RORA: variants seen among roughly 807,000 people sequenced by gnomAD.
RORA encodes nuclear receptor ROR-alpha.
Under a neutral mutation model 69.5 loss-of-function variants are expected in RORA, and 7 were observed. That is an observed-to-expected ratio of 0.10 (90% CI 0.06 to 0.19). RORA has a LOEUF of 0.19. RORA is among the 10% of genes least tolerant of loss of function. RORA has a pLI of 1.00. For missense variants in RORA, 457 were observed against 663.0 expected (o/e 0.69, Z 3.41); for synonymous variants, 261 against 240.8 (o/e 1.08, Z -0.78).
intron 1 of RORA, among the ~76,000 whole-genome samples, chr15:60,745,192 C>T (rs1007927516): frequency 3.3e-5 from 5 of 152,152 alleles, no homozygotes; most frequent in Admixed American, 6.5e-5. Flanking sequence ...GTGAAGACCT[C>T]GCACACTCTA....
At chr15:60,542,218 T>C (rs894757261) in intron 2 of RORA, among the ~76,000 whole-genome samples, 3 of 152,178 alleles carry the variant, frequency 2.0e-5, no homozygotes, top group Admixed American at 1.3e-4. Context: ...CTCTGATTGC[T>C]AACAGCTGCT....
intron 1 of RORA, among the ~76,000 whole-genome samples, chr15:61,096,344 T>C (rs547644138): frequency 3.2e-4 from 48 of 152,256 alleles, no homozygotes; most frequent in Non-Finnish European, 6.5e-4. Context: ...GCAAATCCAA[T>C]GACATTTTGT....
At chr15:60,684,349 C>T (rs2070705683) in intron 1 of RORA, among the ~76,000 whole-genome samples, 1 of 152,202 alleles carries the variant, frequency 6.6e-6, no homozygotes, top group African/African-American at 2.4e-5. Context: ...GTCATGGTGG[C>T]TCACGCCTGT....
intron 1 of RORA, among the ~76,000 whole-genome samples, chr15:60,950,934 C>T (rs1243920306): frequency 1.4e-4 from 21 of 149,032 alleles, no homozygotes; most frequent in Admixed American, 4.0e-4. Flanking sequence ...CTGCACCAAG[C>T]GGACGTAATA....
intron 1 of RORA, among the ~76,000 whole-genome samples, chr15:60,992,342 A>G (rs1028678670): frequency 2.0e-5 from 3 of 152,198 alleles, no homozygotes; most frequent in Non-Finnish European, 4.4e-5. Flanking sequence ...TTTAAGAAAC[A>G]CTGGCACTTA....
chr15:60,661,349 T>C (rs1239415188), intron 2 of RORA, among the ~76,000 whole-genome samples: 2 of 152,158 alleles, frequency 1.3e-5, no homozygotes, highest in Admixed American at 1.3e-4. Flanking sequence ...AAGAGTGAGT[T>C]ACAGGACACT....
intron 2 of RORA, among the ~76,000 whole-genome samples, chr15:60,675,662 C>T (rs2070541715): frequency 6.6e-6 from 1 of 152,142 alleles, no homozygotes; most frequent in Non-Finnish European, 1.5e-5. Context: ...TCAAATTTCC[C>T]TTCATGGGAA....
In RORA at chr15:60,543,170, CTTTTTTTTTTTTTTT is replaced by C. The variant is rs200401959; in HGVS notation, c.197-11334_197-11320del. On this transcript the variant is annotated intron_variant, in intron 2 of 10. Transcript: ENST00000335670. ...TAGGAATTAAGGATGAAAGTGAAAA[CTTTTTTTTTTTTTTT>C]TTTTTTTTTTTTTTTTTTTTTTTTT... Among the ~76,000 whole-genome samples the C allele has an allele frequency of 5.3e-3, 661 of 125,256 alleles. 7 individuals are homozygous for C. The highest frequency in any genetic ancestry group is 0.016 in the African/African-American group (395 of 24,846). 82.2% of individuals were successfully genotyped at this position (125,256 alleles called of 152,430 possible). A position where few individuals can be genotyped will look rare whatever the true frequency, so the allele number is the denominator to read the frequency against.
chr15:61,104,999 C>CCT (rs1555411272), intron 1 of RORA, among the ~76,000 whole-genome samples: 9 of 142,522 alleles, frequency 6.3e-5, no homozygotes, highest in African/African-American at 2.3e-4. Context: ...TGAGGCGCCC[C>CCT]CCCCACCGCC....
rs1595855083 is a variant in RORA at position 60,494,014 on chromosome 15, A to T, written c.*3441T>A. ...TCCTTCCTCACCTGACCCTCAGCCCACCCCCATACGCTCACAGATAACTGG... is the reference window on the plus strand; with the variant it reads ...TCCTTCCTCACCTGACCCTCAGCCCTCCCCCATACGCTCACAGATAACTGG... On this transcript the variant is annotated 3_prime_UTR_variant, in exon 11 of 11. Transcript: ENST00000335670. The T allele has an allele frequency of 6.7e-6, 1 of 148,850 alleles. No individual in the cohort carries two copies. The highest frequency in any genetic ancestry group is 2.5e-5 in the African/African-American group (1 of 39,730). 9.2% of individuals were successfully genotyped at this position (148,850 alleles called of 1,614,324 possible). A position where few individuals can be genotyped will look rare whatever the true frequency, so the allele number is the denominator to read the frequency against.
At chr15:60,809,449 C>T (rs1473737194) in intron 1 of RORA, among the ~76,000 whole-genome samples, 2 of 152,214 alleles carry the variant, frequency 1.3e-5, no homozygotes, top group African/African-American at 4.8e-5. Context: ...TATTTCTTAT[C>T]GCCAAGGGCA....
intron 2 of RORA, among the ~76,000 whole-genome samples, chr15:60,566,853 G>T (rs1173973909): frequency 6.6e-6 from 1 of 152,152 alleles, no homozygotes; most frequent in Non-Finnish European, 1.5e-5. Context: ...GGGTAGAGTG[G>T]AGCAAATGGC....
chr15:61,166,075 G>T (rs1274244982), intron 1 of RORA, among the ~76,000 whole-genome samples: 2 of 152,202 alleles, frequency 1.3e-5, no homozygotes, highest in Non-Finnish European at 2.9e-5. Flanking sequence ...TCTTCTGAGT[G>T]GGGGGCATCA....
Position 60,722,152 on chromosome 15 carries a change from A to G in RORA, c.167-43466T>C, listed in dbSNP as rs144652299. ...TCCTGCCCTTTTCTCCCTTAACTCC[A>G]TTCTCTTCCCTTTCAGTTTGTTATT... On this transcript the variant is annotated intron_variant, in intron 1 of 10. Transcript: ENST00000335670. 2.6e-5 allele frequency among the ~76,000 whole-genome samples: 4 copies of G among 152,218 alleles called. No individual in the cohort carries two copies. In the East Asian group the frequency reaches 7.7e-4, roughly 29 times the overall value.
At chr15:60,706,759 C>T (rs2071068301) in intron 1 of RORA, among the ~76,000 whole-genome samples, 1 of 152,106 alleles carries the variant, frequency 6.6e-6, no homozygotes, top group African/African-American at 2.4e-5. Context: ...AGGGAGCAAA[C>T]CTTAAAATAA....
chr15:60,763,243 C>T (rs1325643992), intron 1 of RORA, among the ~76,000 whole-genome samples: 1 of 151,796 alleles, frequency 6.6e-6, no homozygotes, highest in African/African-American at 2.4e-5. Flanking sequence ...ATCATCTTGC[C>T]AGGGGCAGAA....
At position 60,492,811 on chromosome 15, in the gene RORA, C is replaced by T. The variant is rs2065067659; in HGVS notation, c.*4644G>A. 6.6e-6 allele frequency: 1 copy of T among 152,114 alleles called. No individual in the cohort carries two copies. Among genetic ancestry groups the T allele is most frequent in the Non-Finnish European group, 1.5e-5 (1 of 68,010 alleles). The allele number at this position is 152,114 out of a possible 1,614,324, so 9.4% of individuals were successfully genotyped here. A position where few individuals can be genotyped will look rare whatever the true frequency, so the allele number is the denominator to read the frequency against. On this transcript the variant is annotated 3_prime_UTR_variant, in exon 11 of 11. Transcript: ENST00000335670. ...TGTTTTGAAACACAAGACTGACGAG[C>T]ACATCAAGTTCTAAACTCAACAAAA... is the stretch of plus-strand genomic sequence containing the variant.
intron 1 of RORA, among the ~76,000 whole-genome samples, chr15:60,730,689 A>G (rs1422898857): frequency 6.6e-6 from 1 of 152,080 alleles, no homozygotes; most frequent in African/African-American, 2.4e-5. Flanking sequence ...TGATCATTTC[A>G]TTTTACTTAA....
chr15:61,136,779 A>C (rs568404863), intron 1 of RORA, among the ~76,000 whole-genome samples: 2 of 152,270 alleles, frequency 1.3e-5, no homozygotes, highest in Non-Finnish European at 2.9e-5. Context: ...AAAGCATTTG[A>C]AACTTTGTTC....
Sources: gnomAD v4.1 joint callset for allele counts (sites outside exome capture counted in the v4.1 genomes callset) on GRCh38, gnomAD v4.1.1 for gene constraint, MANE v1.5 for transcripts, NCBI Gene and HGNC (gene_info 2026-07-23, HGNC 2026-07-21) for gene names.